MVB12B: variants seen among roughly 807,000 people sequenced by gnomAD.
MVB12B encodes the protein multivesicular body subunit 12B.
In MVB12B, 16 loss-of-function variants were observed where a neutral mutation model predicts 41.6. The observed-to-expected ratio is 0.38, with a 90% CI of 0.26 to 0.58. The LOEUF (loss-of-function observed/expected upper bound fraction) is 0.58. Ranked by LOEUF, MVB12B falls within the 20% of genes least tolerant of loss-of-function variation. The pLI, the probability that MVB12B is intolerant of heterozygous loss-of-function variation, is 0.62. For missense variants in MVB12B, 274 were observed against 380.2 expected, an observed-to-expected ratio of 0.72 and a Z score of 2.32; for synonymous variants, 133 against 139.7, an observed-to-expected ratio of 0.95 and a Z score of 0.34.
chr9:126,430,121 G>A (rs1401843015), intron 7 of MVB12B, among the ~76,000 whole-genome samples: 1 of 152,120 alleles, frequency 6.6e-6, no homozygotes, highest in East Asian at 1.9e-4. Context: ...GGCTTTTCTA[G>A]CCTCAGCCCA....
intron 2 of MVB12B, among the ~76,000 whole-genome samples, chr9:126,371,762 T>C (rs766964171): frequency 1.2e-4 from 18 of 152,242 alleles, no homozygotes; most frequent in Non-Finnish European, 2.4e-4. Context: ...ATTCCGTGAA[T>C]AAGATAAGAT....
intron 2 of MVB12B, among the ~76,000 whole-genome samples, chr9:126,375,277 T>G (rs1830446136): frequency 6.6e-6 from 1 of 152,132 alleles, no homozygotes; most frequent in Admixed American, 6.5e-5. Flanking sequence ...TAATCAGACT[T>G]GTTTCATTCA....
intron 8 of MVB12B, among the ~76,000 whole-genome samples, chr9:126,482,733 C>T (rs1217282283): frequency 2.6e-5 from 4 of 152,362 alleles, no homozygotes; most frequent in South Asian, 2.1e-4. Flanking sequence ...AGAGCAGCCG[C>T]GAGCGGAACG....
chr9:126,463,774 CAG>C (rs1265627346), intron 7 of MVB12B, among the ~76,000 whole-genome samples: 1 of 152,186 alleles, frequency 6.6e-6, no homozygotes, highest in Non-Finnish European at 1.5e-5. Flanking sequence ...TAATGAAGGT[CAG>C]AAGATCCCTG....
chr9:126,437,814 T>C (rs888216397), intron 7 of MVB12B, among the ~76,000 whole-genome samples: 1 of 152,266 alleles, frequency 6.6e-6, no homozygotes, highest in Admixed American at 6.5e-5. Flanking sequence ...AGATGGCGTG[T>C]ACTGATTATG....
chr9:126,330,745 A>G lies in MVB12B; in HGVS notation c.81+3735A>G, dbSNP rs909142670. Among the ~76,000 whole-genome samples, 8 of 152,182 alleles carry G rather than the reference A, an allele frequency of 5.3e-5. No individual in the cohort carries two copies. The East Asian group carries it at 1.5e-3, about 29-fold the overall frequency. On this transcript the variant is annotated intron_variant, in intron 1 of 9. Transcript: ENST00000361171. ...TGCAAAACCGAAACGCTGTGCTCAT[A>G]AAACAACTTTGCATTTCCCCCTTTC...
At chr9:126,471,681 G>A (rs1019345770) in intron 7 of MVB12B, among the ~76,000 whole-genome samples, 2 of 152,108 alleles carry the variant, frequency 1.3e-5, no homozygotes, top group South Asian at 2.1e-4. Flanking sequence ...AGTTGTTGGC[G>A]TTTTCCCCAT....
intron 2 of MVB12B, among the ~76,000 whole-genome samples, chr9:126,378,611 T>TTCTCTCTCTCTCTTCTCTGTCTCTC (rs1564298229): frequency 8.7e-5 from 13 of 149,394 alleles, no homozygotes; most frequent in Non-Finnish European, 1.6e-4. Context: ...CTCTCTCTCT[T>TTCTCTCTCTCTCTTCTCTGTCTCTC]TCTCTCTCTC....
intron 7 of MVB12B, among the ~76,000 whole-genome samples, chr9:126,438,451 T>G (rs1367697709): frequency 2.0e-5 from 3 of 152,246 alleles, no homozygotes; most frequent in Non-Finnish European, 4.4e-5. Context: ...CTCTAACATT[T>G]TCCAAAGTGT....
chr9:126,343,810 G>A (rs991786423), intron 2 of MVB12B, among the ~76,000 whole-genome samples: 4 of 151,800 alleles, frequency 2.6e-5, no homozygotes, highest in African/African-American at 4.8e-5. Flanking sequence ...CCAGCTACTC[G>A]TGAGACTGAG....
At chr9:126,491,286 A>C (rs1332375850) in intron 9 of MVB12B, among the ~76,000 whole-genome samples, 1 of 152,254 alleles carries the variant, frequency 6.6e-6, no homozygotes, top group African/African-American at 2.4e-5. Flanking sequence ...TATGTCCCGC[A>C]GGAATAAAGT....
At chr9:126,409,403 A>T (rs1364096783) in intron 6 of MVB12B, among the ~76,000 whole-genome samples, 1 of 134,490 alleles carries the variant, frequency 7.4e-6, no homozygotes, top group Non-Finnish European at 1.6e-5. Context: ...GAGTTTTATC[A>T]CTCTCTGAGC....
At chr9:126,502,139 GATCTA>G (rs768869145) in intron 9 of MVB12B, among the ~76,000 whole-genome samples, 11 of 152,170 alleles carry the variant, frequency 7.2e-5, no homozygotes, top group Non-Finnish European at 8.8e-5. Flanking sequence ...GAAAACCACT[GATCTA>G]ATCTAAGCTC....
chr9:126,328,830 TG>T (rs1829053691), intron 1 of MVB12B, among the ~76,000 whole-genome samples: 1 of 152,168 alleles, frequency 6.6e-6, no homozygotes, highest in Non-Finnish European at 1.5e-5. Context: ...TCACTCAGGC[TG>T]GAGTGCAGTG....
At chr9:126,500,403 C>T (rs1345539696) in intron 9 of MVB12B, among the ~76,000 whole-genome samples, 3 of 152,008 alleles carry the variant, frequency 2.0e-5, no homozygotes, top group Non-Finnish European at 4.4e-5. Context: ...ACCAGTCCTT[C>T]CCCAGCTCCT....
chr9:126,421,633 G>GA lies in MVB12B; in HGVS notation c.663-213dup, dbSNP rs113446906. Among the ~76,000 whole-genome samples, 19 of 152,020 alleles carry GA rather than the reference G, an allele frequency of 1.2e-4. 1 individual carries two copies. Among genetic ancestry groups the GA allele is most frequent in the African/African-American group, 3.1e-4 (13 of 41,456 alleles). ...CCTCTTGGATGTCCTTTCTAGTATG[G>GA]AAAAAAAATGTGGCTGCTGATGTCT... is the stretch of plus-strand genomic sequence containing the variant. On this transcript the variant is annotated intron_variant, in intron 6 of 9. Coordinates refer to ENST00000361171, the MANE Select transcript of MVB12B (RefSeq NM_033446.3).
At chr9:126,382,272 G>A (rs980290387) in intron 3 of MVB12B, among the ~76,000 whole-genome samples, 10 of 151,994 alleles carry the variant, frequency 6.6e-5, no homozygotes, top group African/African-American at 2.4e-4. Flanking sequence ...GTGGCTCTCT[G>A]GCTTGCACTC....
At chr9:126,420,248 C>A (rs1831964924) in intron 6 of MVB12B, among the ~76,000 whole-genome samples, 1 of 152,226 alleles carries the variant, frequency 6.6e-6, no homozygotes, top group African/African-American at 2.4e-5. Context: ...GAGCTCACCT[C>A]TGTACCCTTA....
At position 126,376,439 on chromosome 9, in the gene MVB12B, A is replaced by C; in HGVS notation, c.205-4625A>C. On this transcript the variant is annotated intron_variant, in intron 2 of 9. Transcript: ENST00000361171. This position sits in a 1 kb window ranked among gnomAD's most constrained non-coding sequence, Gnocchi z 4.1. ...TGGTGACCCTTTGTTGTGGGTTGGG[A>C]TTTAAGATGGAGGCACCAGCTCATG... The C allele has an allele frequency of 8.5e-7, 1 of 1,179,498 alleles. No individual in the cohort carries two copies. The highest frequency in any genetic ancestry group is 1.3e-5 in the South Asian group (1 of 78,754). The allele number at this position is 1,179,498 out of a possible 1,614,324, so 73.1% of individuals were successfully genotyped here.
Sources: allele counts gnomAD v4.1 joint callset (sites outside exome capture counted in the v4.1 genomes callset), GRCh38; gene constraint gnomAD v4.1.1; non-coding constraint Gnocchi (gnomAD v3.1); transcripts MANE v1.5; gene names NCBI Gene and HGNC (gene_info 2026-07-23, HGNC 2026-07-21).